DMXL1: variants seen among roughly 807,000 people sequenced by gnomAD.
DMXL1 encodes the protein dmX-like protein 1.
In DMXL1, 99 loss-of-function variants were observed where a neutral mutation model predicts 319.2. That is an observed-to-expected ratio of 0.31 (90% CI 0.26 to 0.37). The LOEUF is 0.37. DMXL1 is among the 10% of genes least tolerant of loss of function. The pLI is 1.00. For missense variants in DMXL1, 3,745 were observed against 3,595.6 expected (o/e 1.04, Z -1.06); for synonymous variants, 1,385 against 1,235.2 (o/e 1.12, Z -2.54).
intron 38 of DMXL1, among the ~76,000 whole-genome samples, chr5:119,228,133 G>T (rs1003742519): frequency 6.6e-6 from 1 of 152,198 alleles, no homozygotes; most frequent in Non-Finnish European, 1.5e-5. Flanking sequence ...ATCTTGGTTA[G>T]CAGTTTAATG....
intron 6 of DMXL1, among the ~76,000 whole-genome samples, chr5:119,114,991 A>C (rs995439605): frequency 1.6e-4 from 24 of 152,184 alleles, no homozygotes; most frequent in African/African-American, 5.5e-4. Context: ...AATAGCAAAA[A>C]TTGACTCCAT....
At chr5:119,108,468 G>C (rs1758839879) in intron 4 of DMXL1, among the ~76,000 whole-genome samples, 1 of 151,990 alleles carries the variant, frequency 6.6e-6, no homozygotes, top group Non-Finnish European at 1.5e-5. Context: ...CTGTTGCCCA[G>C]GCTAGACTGC....
intron 9 of DMXL1, among the ~76,000 whole-genome samples, chr5:119,121,700 A>G (rs1206713471): frequency 1.3e-5 from 2 of 152,236 alleles, no homozygotes; most frequent in African/African-American, 4.8e-5. Flanking sequence ...CAGACACGGC[A>G]ACCATCCGAT....
intron 19 of DMXL1, among the ~76,000 whole-genome samples, chr5:119,156,085 T>C (rs984313366): frequency 2.0e-5 from 3 of 152,188 alleles, no homozygotes; most frequent in African/African-American, 7.2e-5. Context: ...AAATCTTACA[T>C]AAAAGGAAGA....
chr5:119,209,532 G>A (rs550086412), intron 34 of DMXL1, among the ~76,000 whole-genome samples: 1 of 151,946 alleles, frequency 6.6e-6, no homozygotes, highest in East Asian at 1.9e-4. Flanking sequence ...ATTTTTTGTA[G>A]AGATGGGGTT....
intron 1 of DMXL1, among the ~76,000 whole-genome samples, chr5:119,093,037 A>G (rs1236672938): frequency 1.3e-5 from 2 of 151,314 alleles, no homozygotes; most frequent in Non-Finnish European, 2.9e-5. Context: ...TCTTTCCCTT[A>G]TTGCACTTCA....
At chr5:119,175,936 G>A (rs1775714711) in intron 26 of DMXL1, among the ~76,000 whole-genome samples, 1 of 151,940 alleles carries the variant, frequency 6.6e-6, no homozygotes, top group Non-Finnish European at 1.5e-5. Context: ...ATTTCTTCAA[G>A]TATTGTCTCA....
Position 119,147,322 on chromosome 5 carries a change from G to A in DMXL1, c.2763G>A (p.Lys921=). 6.2e-7 allele frequency: 1 copy of A among 1,613,594 alleles called. No homozygotes were observed. Among genetic ancestry groups the A allele is most frequent in the Non-Finnish European group, 8.5e-7 (1 of 1,179,722 alleles). ...AACATTATTCTTCTTCTCCAGAGAAGATCCTATCTCCTTTTTCACAAAAGT... is the reference window on the plus strand; with the variant it reads ...AACATTATTCTTCTTCTCCAGAGAAAATCCTATCTCCTTTTTCACAAAAGT... ...PEEHYSSSPE[K]ILSPFSQKYQ... is the part of the protein sequence containing the mutation. Residue 921 remains lysine (K), a synonymous_variant, in exon 17 of 44, where the codon AAG becomes AAA. Coordinates refer to ENST00000539542, the MANE Select transcript of DMXL1 (RefSeq NM_001290321.3).
chr5:119,232,045 A>G (rs1393307063), intron 38 of DMXL1, among the ~76,000 whole-genome samples: 8 of 152,086 alleles, frequency 5.3e-5, no homozygotes, highest in African/African-American at 1.7e-4. Context: ...TTACAGCACA[A>G]TCAAGGCACA....
chr5:119,110,384 T>TCA, intron 5 of DMXL1, 101 bp downstream of exon 5: 6 of 1,090,798 alleles, frequency 5.5e-6, no homozygotes, highest in Non-Finnish European at 6.3e-6. Context: ...ACATAAAAAG[T>TCA]ATTGATTTTT....
chr5:119,129,460 C>G, intron 10 of DMXL1, 37 bp downstream of exon 10: 1 of 1,454,356 alleles, frequency 6.9e-7, no homozygotes, highest in East Asian at 2.3e-5. Context: ...TAAAGTTTTG[C>G]TCAAAATAGC....
rs1776005584 is a variant in DMXL1 at position 119,177,383 on chromosome 5, G to A, written c.6785G>A (p.Gly2262Glu). The change falls in exon 27 of 44, where the codon GGA (glycine) becomes GAA (glutamate). Residue 2262 changes from glycine to glutamate, a missense_variant. Physicochemically the swap from Gly to Glu is moderately conservative, Grantham distance 98. Transcript: ENST00000539542. ...YSSFQTNQFT[G>E]MVYQTVLLPH... is the part of the protein sequence containing the mutation. ...TCATTTCAGACGAATCAGTTTACTG[G>A]AATGGTATATCAGACAGTACTGCTT... 1.9e-6 allele frequency: 3 copies of A among 1,569,288 alleles called. No homozygotes were observed. The highest frequency in any genetic ancestry group is 1.9e-5 in the Admixed American group (1 of 53,810).
intron 14 of DMXL1, 150 bp downstream of exon 14, chr5:119,144,080 AT>A: frequency 1.9e-6 from 1 of 529,914 alleles, no homozygotes. Context: ...ATAACATATT[AT>A]TGTATATTTT....
chr5:119,187,607 T>G (rs550841323), intron 28 of DMXL1, among the ~76,000 whole-genome samples: 105 of 152,318 alleles, frequency 6.9e-4, no homozygotes, highest in African/African-American at 2.4e-3. Flanking sequence ...ACACATTCAT[T>G]ACTGTGAAAC....
intron 16 of DMXL1, 39 bp from the exon 17 acceptor site, chr5:119,147,210 C>T (rs1270858421): frequency 6.5e-7 from 1 of 1,547,108 alleles, no homozygotes; most frequent in African/African-American, 1.4e-5. Context: ...TATAGGGTTC[C>T]CCTGCCTCAG....
In DMXL1 at chr5:119,087,354, A is replaced by G. The variant is rs150972661; in HGVS notation, c.88-10625A>G. On this transcript the variant is annotated intron_variant, in intron 1 of 43. Transcript: ENST00000539542. Reference sequence around the variant, plus strand: ...CTTAGTACTGCTTTTGCTGTATCCTATAGATTCTGTTATGTTGTATTCCCA... The same window carrying G: ...CTTAGTACTGCTTTTGCTGTATCCTGTAGATTCTGTTATGTTGTATTCCCA... Among the ~76,000 whole-genome samples the G allele has an allele frequency of 9.4e-4, 143 of 151,954 alleles. 1 individual carries two copies. The highest frequency in any genetic ancestry group is 3.3e-3 in the African/African-American group (137 of 41,432).
intron 5 of DMXL1, among the ~76,000 whole-genome samples, chr5:119,114,208 C>T (rs1561614276): frequency 6.6e-6 from 1 of 152,226 alleles, no homozygotes; most frequent in East Asian, 1.9e-4. Context: ...CATTCTCTCT[C>T]ATTCTAAGGG....
chr5:119,235,270 A>G (rs1399367869), intron 39 of DMXL1, among the ~76,000 whole-genome samples: 1 of 152,182 alleles, frequency 6.6e-6, no homozygotes, highest in African/African-American at 2.4e-5. Flanking sequence ...TATGAGGACT[A>G]ATTCCTCAGA....
Position 119,211,750 on chromosome 5 carries a change from C to T in DMXL1, c.7926+4854C>T, listed in dbSNP as rs1207313194. 2.6e-5 allele frequency among the ~76,000 whole-genome samples: 4 copies of T among 152,196 alleles called. No homozygotes were observed. The South Asian group carries it at 8.3e-4, about 32-fold the overall frequency. ...GAGTGGCAATGAAGTGTTCCAAGTA[C>T]ACAACCTTATATTGTAGGTTTTAGT... On this transcript the variant is annotated intron_variant, in intron 34 of 43. Coordinates refer to ENST00000539542, the MANE Select transcript of DMXL1 (RefSeq NM_001290321.3).
Sources: allele counts gnomAD v4.1 joint callset (sites outside exome capture counted in the v4.1 genomes callset), GRCh38; gene constraint gnomAD v4.1.1; transcripts MANE v1.5; gene names NCBI Gene and HGNC (gene_info 2026-07-23, HGNC 2026-07-21).